TENM3: variants seen among roughly 807,000 people sequenced by gnomAD.
The protein encoded by TENM3 is teneurin-3.
Under a neutral mutation model 255.1 loss-of-function variants are expected in TENM3, and 63 were observed. The ratio of observed to expected loss-of-function variants is 0.25; its 90% CI spans 0.20 to 0.30. TENM3 has a LOEUF of 0.30. TENM3 is among the 10% of genes least tolerant of loss of function. The pLI is 1.00. For missense variants in TENM3, 2,929 were observed against 3,461.1 expected, an observed-to-expected ratio of 0.85 and a Z score of 3.86; for synonymous variants, 1,306 against 1,322.3, an observed-to-expected ratio of 0.99 and a Z score of 0.27.
intron 13 of TENM3, among the ~76,000 whole-genome samples, chr4:182,717,216 C>T (rs1759264617): frequency 6.6e-6 from 1 of 152,162 alleles, no homozygotes; most frequent in Non-Finnish European, 1.5e-5. Context: ...AGAGTTTAAA[C>T]ATCTGAATCT....
the TENM3 span, among the ~76,000 whole-genome samples, chr4:181,654,931 A>G: frequency 6.6e-6 from 1 of 152,296 alleles, no homozygotes; most frequent in South Asian, 2.1e-4. Flanking sequence ...AGAAGAGGAA[A>G]GAGGTGAATG....
At chr4:182,019,684 T>C in the TENM3 span, among the ~76,000 whole-genome samples, 1 of 152,160 alleles carries the variant, frequency 6.6e-6, no homozygotes, top group Non-Finnish European at 1.5e-5. Flanking sequence ...TTGTTGTTGT[T>C]GTTCTTGTTG....
At chr4:182,358,219 A>G (rs962986015) in intron 3 of TENM3, among the ~76,000 whole-genome samples, 3 of 147,270 alleles carry the variant, frequency 2.0e-5, no homozygotes, top group Admixed American at 6.8e-5. Flanking sequence ...TTGGTTCCAT[A>G]TGAACTTTAA....
In TENM3 at chr4:182,154,297, G is replaced by A. The variant is rs796650743; in HGVS notation, c.-76+9543G>A. 4.5e-4 allele frequency among the ~76,000 whole-genome samples: 69 copies of A among 152,064 alleles called. 1 individual carries two copies. The highest frequency in any genetic ancestry group is 1.4e-3 in the African/African-American group (56 of 41,472). On this transcript the variant is annotated intron_variant, in intron 1 of 2. Transcript: ENST00000512480. ...ATTACTTTTAAAAGAATAGCCCATCGGGGATAGGAAGCTTTGTGGATAAGC... is the reference window on the plus strand; with the variant it reads ...ATTACTTTTAAAAGAATAGCCCATCAGGGATAGGAAGCTTTGTGGATAAGC...
At chr4:182,361,090 C>T (rs373238528) in intron 3 of TENM3, among the ~76,000 whole-genome samples, 44 of 152,098 alleles carry the variant, frequency 2.9e-4, no homozygotes, top group East Asian at 1.9e-3. Context: ...CCGAGAGATC[C>T]GCTGTTAGTC....
chr4:181,641,552 GTGTATATATATA>G, the TENM3 span, among the ~76,000 whole-genome samples: 16 of 21,692 alleles, frequency 7.4e-4, no homozygotes, highest in African/African-American at 1.4e-3. Context: ...CATGGTGTGT[GTGTATATATATA>G]TATATATATA....
chr4:182,011,936 T>C, the TENM3 span, among the ~76,000 whole-genome samples: 1 of 152,182 alleles, frequency 6.6e-6, no homozygotes. Context: ...CAGTGTGTTA[T>C]GGGGAATCAC....
At chr4:181,592,598 A>G in the TENM3 span, among the ~76,000 whole-genome samples, 10 of 151,788 alleles carry the variant, frequency 6.6e-5, no homozygotes, top group African/African-American at 2.4e-4. Context: ...CAGCTAAAAG[A>G]ACGAAGTAAA....
chr4:182,308,072 C>T (rs1406026381), intron 1 of TENM3, among the ~76,000 whole-genome samples: 1 of 152,214 alleles, frequency 6.6e-6, no homozygotes, highest in Admixed American at 6.5e-5. Context: ...TGGTTTATAA[C>T]TACCACTAGT....
intron 3 of TENM3, among the ~76,000 whole-genome samples, chr4:182,386,578 A>C (rs987103896): frequency 6.6e-6 from 1 of 152,174 alleles, no homozygotes; most frequent in South Asian, 2.1e-4. Context: ...CGCGAGCAGG[A>C]ACTGGGGCTG....
intron 3 of TENM3, among the ~76,000 whole-genome samples, chr4:182,370,431 C>A (rs554502796): frequency 6.6e-6 from 1 of 152,220 alleles, no homozygotes; most frequent in South Asian, 2.1e-4. Flanking sequence ...GAATACCTTA[C>A]CATACCTAGC....
intron 1 of TENM3, among the ~76,000 whole-genome samples, chr4:182,286,459 G>A (rs1760733144): frequency 6.6e-6 from 1 of 152,128 alleles, no homozygotes; most frequent in Non-Finnish European, 1.5e-5. Context: ...TCACTTGAGA[G>A]GGAGAAAGTT....
At chr4:181,584,471 A>T in the TENM3 span, among the ~76,000 whole-genome samples, 6 of 152,264 alleles carry the variant, frequency 3.9e-5, no homozygotes, top group South Asian at 1.2e-3. Flanking sequence ...CTTCAGCTAT[A>T]TCATAACTTT....
At chr4:182,314,923 G>A (rs1031643698) in intron 1 of TENM3, among the ~76,000 whole-genome samples, 6 of 151,612 alleles carry the variant, frequency 4.0e-5, no homozygotes, top group Admixed American at 6.6e-5. Flanking sequence ...TTCCCCTTTC[G>A]TGACTGTTAG....
At chr4:181,702,306 G>A in the TENM3 span, among the ~76,000 whole-genome samples, 12 of 152,084 alleles carry the variant, frequency 7.9e-5, no homozygotes, top group African/African-American at 1.9e-4. Context: ...TTGCTATTAC[G>A]ATACATAAAT....
intron 1 of TENM3, among the ~76,000 whole-genome samples, chr4:182,265,275 G>A (rs1049224243): frequency 6.6e-6 from 1 of 152,128 alleles, no homozygotes; most frequent in Non-Finnish European, 1.5e-5. Flanking sequence ...ATGGCTAATA[G>A]TAGTGATAGA....
At chr4:181,996,150 C>T in the TENM3 span, among the ~76,000 whole-genome samples, 5 of 132,902 alleles carry the variant, frequency 3.8e-5, no homozygotes, top group South Asian at 2.6e-4. Flanking sequence ...AAACCAGGGT[C>T]GCTACGGTTA....
chr4:181,470,091 A>G, the TENM3 span, among the ~76,000 whole-genome samples: 2 of 143,760 alleles, frequency 1.4e-5, no homozygotes, highest in South Asian at 4.6e-4. Context: ...ATTGAGAAAA[A>G]TGAAATATAG....
chr4:182,101,120 A>AGGG, the TENM3 span, among the ~76,000 whole-genome samples: 2 of 68,978 alleles, frequency 2.9e-5, no homozygotes, highest in Admixed American at 2.5e-4. Context: ...GGAAAGAAGG[A>AGGG]AGGAAAGAAG....
Sources: allele counts gnomAD v4.1 joint callset (sites outside exome capture counted in the v4.1 genomes callset), GRCh38; gene constraint gnomAD v4.1.1; transcripts MANE v1.5; gene names NCBI Gene and HGNC (gene_info 2026-07-23, HGNC 2026-07-21).